The following TAFA2 variants were observed in gnomAD, a reference collection of about 807,000 sequenced individuals.
The protein encoded by TAFA2 is chemokine-like protein TAFA-2.
TAFA2 carries 7 observed loss-of-function variants against 18.8 expected under a neutral mutation model. That is an observed-to-expected ratio of 0.37 (90% CI 0.21 to 0.70). The LOEUF is 0.70. Ranked by LOEUF, TAFA2 falls within the 30% of genes least tolerant of loss-of-function variation. The pLI, the probability that TAFA2 is intolerant of heterozygous loss-of-function variation, is 0.53. For missense variants in TAFA2, 122 were observed against 158.1 expected, an observed-to-expected ratio of 0.77 and a Z score of 1.23; for synonymous variants, 60 against 54.2, an observed-to-expected ratio of 1.11 and a Z score of -0.47.
intron 2 of TAFA2, among the ~76,000 whole-genome samples, chr12:61,801,253 GAAATA>G (rs1356599869): frequency 1.3e-5 from 2 of 151,954 alleles, no homozygotes; most frequent in African/African-American, 2.4e-5. Context: ...ATTATTTGCA[GAAATA>G]AAAGAAAATT....
intron 1 of TAFA2, among the ~76,000 whole-genome samples, chr12:62,170,076 T>A (rs988531950): frequency 7.2e-5 from 11 of 152,098 alleles, no homozygotes; most frequent in African/African-American, 2.7e-4. Flanking sequence ...AAACCATAAA[T>A]GCTCTCTTGT....
At chr12:61,804,266 T>C (rs1311310823) in intron 2 of TAFA2, among the ~76,000 whole-genome samples, 1 of 152,046 alleles carries the variant, frequency 6.6e-6, no homozygotes, top group Non-Finnish European at 1.5e-5. Flanking sequence ...TAGTGTCCAT[T>C]TCACTATTAC....
At chr12:61,734,794 C>T (rs1307056123) in intron 4 of TAFA2, among the ~76,000 whole-genome samples, 1 of 151,892 alleles carries the variant, frequency 6.6e-6, no homozygotes, top group East Asian at 1.9e-4. Context: ...ATAGAATTTA[C>T]CATCTTTACC....
At chr12:61,748,740 T>C (rs774442020) in intron 4 of TAFA2, among the ~76,000 whole-genome samples, 18 of 152,206 alleles carry the variant, frequency 1.2e-4, no homozygotes, top group East Asian at 1.9e-4. Context: ...CTAATACTTA[T>C]CTATCTTCTG....
chr12:61,744,375 C>T (rs922953065), intron 4 of TAFA2, among the ~76,000 whole-genome samples: 3 of 152,058 alleles, frequency 2.0e-5, no homozygotes, highest in Admixed American at 2.0e-4. Context: ...ACACATATAT[C>T]GCCCATTTCT....
At chr12:62,207,471 AACACACAC>A (rs57677645) in intron 1 of TAFA2, among the ~76,000 whole-genome samples, 2 of 149,556 alleles carry the variant, frequency 1.3e-5, no homozygotes, top group Non-Finnish European at 3.0e-5. Flanking sequence ...TTCACACACA[AACACACAC>A]ACACACACAC....
At chr12:62,115,700 G>T (rs1247004713) in intron 1 of TAFA2, among the ~76,000 whole-genome samples, 1 of 152,126 alleles carries the variant, frequency 6.6e-6, no homozygotes, top group Non-Finnish European at 1.5e-5. Flanking sequence ...CCAGATGGAG[G>T]GAGCTTACTT....
At chr12:61,825,905 A>T (rs1187164222) in intron 2 of TAFA2, among the ~76,000 whole-genome samples, 1 of 152,074 alleles carries the variant, frequency 6.6e-6, no homozygotes, top group African/African-American at 2.4e-5. Context: ...TCCCTATTTA[A>T]GTCATTGGAT....
intron 4 of TAFA2, among the ~76,000 whole-genome samples, chr12:61,736,035 G>C (rs542106144): frequency 6.6e-6 from 1 of 151,828 alleles, no homozygotes; most frequent in African/African-American, 2.4e-5. Context: ...CTTCCTCCTG[G>C]GGTGTAGCAC....
At chr12:61,795,151 C>A (rs971966542) in intron 2 of TAFA2, among the ~76,000 whole-genome samples, 8 of 152,136 alleles carry the variant, frequency 5.3e-5, no homozygotes, top group Non-Finnish European at 8.8e-5. Flanking sequence ...ACTAGTTCAA[C>A]CATTGTGGAA....
intron 2 of TAFA2, among the ~76,000 whole-genome samples, chr12:61,855,000 A>G (rs1284396260): frequency 6.6e-6 from 1 of 152,186 alleles, no homozygotes; most frequent in Non-Finnish European, 1.5e-5. Context: ...ATGCAGAGGA[A>G]AACCAATCCA....
intron 1 of TAFA2, among the ~76,000 whole-genome samples, chr12:62,214,200 G>A (rs960779763): frequency 2.0e-5 from 3 of 152,136 alleles, no homozygotes; most frequent in African/African-American, 7.2e-5. Context: ...CCCCAATATG[G>A]TTTGGCTGTA....
At chr12:62,020,795 T>C (rs1881103122) in intron 1 of TAFA2, among the ~76,000 whole-genome samples, 1 of 150,668 alleles carries the variant, frequency 6.6e-6, no homozygotes. Context: ...TTGGCAGATA[T>C]CACAATGGCC....
chr12:61,905,985 C>A (rs1876332497), intron 1 of TAFA2, among the ~76,000 whole-genome samples: 1 of 152,132 alleles, frequency 6.6e-6, no homozygotes, highest in Non-Finnish European at 1.5e-5. Flanking sequence ...TACATCTTTA[C>A]TACTTTAATC....
intron 1 of TAFA2, among the ~76,000 whole-genome samples, chr12:62,085,700 G>A (rs1868422526): frequency 6.6e-6 from 1 of 152,088 alleles, no homozygotes; most frequent in Non-Finnish European, 1.5e-5. Context: ...AAGTAGAATA[G>A]GTACCATATA....
At chr12:62,066,036 T>G (rs1267333976) in intron 1 of TAFA2, among the ~76,000 whole-genome samples, 1 of 151,650 alleles carries the variant, frequency 6.6e-6, no homozygotes, top group Non-Finnish European at 1.5e-5. Context: ...GTGAAAGAAT[T>G]AGTAACTGAG....
intron 1 of TAFA2, among the ~76,000 whole-genome samples, chr12:61,991,815 A>G (rs1056535681): frequency 1.3e-5 from 2 of 152,176 alleles, no homozygotes; most frequent in African/African-American, 2.4e-5. Flanking sequence ...CAAGGTCACC[A>G]ATGATTTTAA....
At chr12:62,256,523 C>A (rs573660115) in intron 1 of TAFA2, among the ~76,000 whole-genome samples, 125 of 152,186 alleles carry the variant, frequency 8.2e-4, no homozygotes, top group Non-Finnish European at 1.5e-3. Flanking sequence ...TTTCAGCCTC[C>A]GAAATCTAAT....
chr12:62,019,935 T>C lies in TAFA2; in HGVS notation c.-1-152509A>G, dbSNP rs372550218. On this transcript the variant is annotated intron_variant, in intron 1 of 4. Coordinates refer to ENST00000416284, the MANE Select transcript of TAFA2 (RefSeq NM_178539.5). ...TATTTTCAATTTCTTAATATATTTT[T>C]ATTCAATTTTAGTTTTATGCATTTC... Among the ~76,000 whole-genome samples the C allele has an allele frequency of 6.6e-5, 10 of 152,216 alleles. No individual in the cohort carries two copies. The East Asian group carries it at 1.2e-3, about 18-fold the overall frequency.
Sources: allele counts gnomAD v4.1 joint callset (sites outside exome capture counted in the v4.1 genomes callset), GRCh38; gene constraint gnomAD v4.1.1; transcripts MANE v1.5; gene names NCBI Gene and HGNC (gene_info 2026-07-23, HGNC 2026-07-21).